Variants in OSBPL9 observed in about 807,000 individuals in gnomAD.
OSBPL9 encodes oxysterol-binding protein-related protein 9.
Under a neutral mutation model 106.6 loss-of-function variants are expected in OSBPL9, and 40 were observed. That is an observed-to-expected ratio of 0.38 (90% CI 0.29 to 0.49). The LOEUF (loss-of-function observed/expected upper bound fraction) is 0.49. OSBPL9 is among the 20% of genes least tolerant of loss of function. The pLI, the probability that OSBPL9 is intolerant of heterozygous loss-of-function variation, is 0.97. For synonymous variants in OSBPL9, 269 were observed against 295.4 expected, an observed-to-expected ratio of 0.91 and a Z score of 0.92; for missense variants, 609 against 887.2, an observed-to-expected ratio of 0.69 and a Z score of 3.98.
intron 1 of OSBPL9, among the ~76,000 whole-genome samples, chr1:51,591,207 CGT>C (rs1341613194): frequency 6.6e-6 from 1 of 151,148 alleles, no homozygotes; most frequent in African/African-American, 2.4e-5. Context: ...CGTGAGCCAC[CGT>C]GCCGGGCCCA....
At chr1:51,767,531 A>G (rs1672822639) in intron 12 of OSBPL9, among the ~76,000 whole-genome samples, 1 of 152,134 alleles carries the variant, frequency 6.6e-6, no homozygotes, top group South Asian at 2.1e-4. Context: ...CTATACTGTT[A>G]CTATAGCTAG....
At chr1:51,642,712 A>G (rs1162718642) in intron 1 of OSBPL9, among the ~76,000 whole-genome samples, 1 of 152,176 alleles carries the variant, frequency 6.6e-6, no homozygotes, top group Non-Finnish European at 1.5e-5. Context: ...ACATACAAAT[A>G]TCTAGGGAGA....
rs544651304 is a variant in OSBPL9, at chr1:51,593,927, C to T, written c.-422-4197C>T. ...TTTCACACACACACACACACACACA[C>T]ACACACACACACACACGAAGAGCAT... On this transcript the variant is annotated intron_variant, in intron 1 of 25. Transcript: ENST00000371714. 1.3e-3 allele frequency among the ~76,000 whole-genome samples: 205 copies of T among 151,884 alleles called. 11 individuals are homozygous for T. In the South Asian group the frequency reaches 0.041, roughly 30 times the overall value.
intron 2 of OSBPL9, among the ~76,000 whole-genome samples, chr1:51,660,141 A>G (rs1274418786): frequency 1.3e-5 from 2 of 152,268 alleles, no homozygotes; most frequent in African/African-American, 2.4e-5. Context: ...TGAAAAAAAG[A>G]AGATTACTCT....
chr1:51,727,508 C>T (rs1663345832), intron 4 of OSBPL9, among the ~76,000 whole-genome samples: 1 of 152,102 alleles, frequency 6.6e-6, no homozygotes, highest in African/African-American at 2.4e-5. Flanking sequence ...CAACATTAAT[C>T]AAAGAATAAC....
the OSBPL9 span, among the ~76,000 whole-genome samples, chr1:51,553,788 C>T: frequency 6.6e-6 from 1 of 152,148 alleles, no homozygotes; most frequent in Admixed American, 6.5e-5. Flanking sequence ...AAGCGATTCT[C>T]CTGCCTCAGC....
intron 2 of OSBPL9, among the ~76,000 whole-genome samples, chr1:51,652,566 T>G (rs1381489343): frequency 6.6e-6 from 1 of 152,224 alleles, no homozygotes; most frequent in Non-Finnish European, 1.5e-5. Flanking sequence ...GGTCAGTATA[T>G]CTGAAATATT....
At chr1:51,604,268 C>T (rs2148604471) in intron 2 of OSBPL9, among the ~76,000 whole-genome samples, 1 of 152,242 alleles carries the variant, frequency 6.6e-6, no homozygotes, top group African/African-American at 2.4e-5. Flanking sequence ...TAAAAAAATT[C>T]ATTAGGGCTG....
intron 20 of OSBPL9, chr1:51,785,495 G>T (rs1677385051): frequency 6.7e-6 from 2 of 298,786 alleles, no homozygotes; most frequent in African/African-American, 2.2e-5. Context: ...TTCAATGGTG[G>T]TTACGTCTCT....
chr1:51,748,878 G>A (rs1280850920), intron 7 of OSBPL9, among the ~76,000 whole-genome samples: 1 of 152,088 alleles, frequency 6.6e-6, no homozygotes, highest in African/African-American at 2.4e-5. Context: ...CTGAGGTTGG[G>A]AGTTCCAGAC....
At chr1:51,737,010 G>A (rs1665852508) in intron 4 of OSBPL9, among the ~76,000 whole-genome samples, 1 of 151,916 alleles carries the variant, frequency 6.6e-6, no homozygotes, top group East Asian at 1.9e-4. Context: ...TGGATGTTGA[G>A]TCATGATCAT....
intron 2 of OSBPL9, among the ~76,000 whole-genome samples, chr1:51,653,347 A>G (rs1646635888): frequency 6.6e-6 from 1 of 152,230 alleles, no homozygotes; most frequent in African/African-American, 2.4e-5. Flanking sequence ...AGACTTTAGC[A>G]GAACTGTCTT....
chr1:51,572,530 T>C (rs7522561), upstream of OSBPL9, among the ~76,000 whole-genome samples: 24,127 of 152,136 alleles, frequency 0.16, 3,723 homozygotes, highest in African/African-American at 0.4. Flanking sequence ...TTATACAGTG[T>C]CTTCCCCTGT....
At chr1:51,705,399 A>ATTTATTT in intron 3 of OSBPL9, among the ~76,000 whole-genome samples, 1 of 40,450 alleles carries the variant, frequency 2.5e-5, no homozygotes, top group Admixed American at 4.6e-4. Flanking sequence ...ATATATATAT[A>ATTTATTT]TTTTTTTTTT....
the OSBPL9 span, among the ~76,000 whole-genome samples, chr1:51,570,165 T>C: frequency 6.6e-6 from 1 of 152,230 alleles, no homozygotes; most frequent in Non-Finnish European, 1.5e-5. Flanking sequence ...AATGCTGTGG[T>C]AGAAAGAGCC....
At chr1:51,740,807 C>T (rs757842353) in intron 4 of OSBPL9, among the ~76,000 whole-genome samples, 1 of 152,046 alleles carries the variant, frequency 6.6e-6, no homozygotes, top group Non-Finnish European at 1.5e-5. Flanking sequence ...TCTTAATTTC[C>T]GGATTCTGGA....
chr1:51,622,476 T>C (rs1263643229), intron 1 of OSBPL9, among the ~76,000 whole-genome samples: 2 of 152,206 alleles, frequency 1.3e-5, no homozygotes, highest in Non-Finnish European at 2.9e-5. Flanking sequence ...TGTTACCTCA[T>C]AGTTTTCGTG....
At chr1:51,709,863 C>T (rs1659440333) in intron 3 of OSBPL9, 1 of 152,292 alleles carries the variant, frequency 6.6e-6, no homozygotes, top group South Asian at 2.1e-4. Context: ...GGCGAAGCCT[C>T]CTTCAAGGAT....
intron 1 of OSBPL9, among the ~76,000 whole-genome samples, chr1:51,591,225 G>A (rs1351061734): frequency 6.6e-6 from 1 of 151,690 alleles, no homozygotes; most frequent in Non-Finnish European, 1.5e-5. Flanking sequence ...GCCCATGCCT[G>A]GCTAATTTTT....
Sources: allele counts gnomAD v4.1 joint callset (sites outside exome capture counted in the v4.1 genomes callset), GRCh38; gene constraint gnomAD v4.1.1; transcripts MANE v1.5; gene names NCBI Gene and HGNC (gene_info 2026-07-23, HGNC 2026-07-21).